FNIP2: variants seen among roughly 807,000 people sequenced by gnomAD.
FNIP2 encodes the protein folliculin interacting protein 2.
Under a neutral mutation model 108.7 loss-of-function variants are expected in FNIP2, and 32 were observed. The ratio of observed to expected loss-of-function variants is 0.29; its 90% CI spans 0.22 to 0.40. FNIP2 has a LOEUF of 0.40. Among genes scored for constraint, FNIP2 ranks in the 10% least tolerant of loss-of-function variants. The pLI is 1.00. For missense variants in FNIP2, 1,202 were observed against 1,381.6 expected, an observed-to-expected ratio of 0.87 and a Z score of 2.06; for synonymous variants, 480 against 496.7, an observed-to-expected ratio of 0.97 and a Z score of 0.45.
intron 15 of FNIP2, among the ~76,000 whole-genome samples, chr4:158,892,450 T>C (rs1782341075): frequency 6.6e-6 from 1 of 152,200 alleles, no homozygotes; most frequent in Admixed American, 6.6e-5. Context: ...ACAGAGCCTA[T>C]ACACTCTTAG....
rs1016327927 is a variant in FNIP2, at chr4:158,770,415, C to T, written c.107+1096C>T. Among the ~76,000 whole-genome samples, 14 of 152,156 alleles carry T rather than the reference C, an allele frequency of 9.2e-5. No individual in the cohort carries two copies. In the South Asian group the frequency reaches 1.0e-3, roughly 11 times the overall value. On this transcript the variant is annotated intron_variant, in intron 1 of 16. Coordinates refer to ENST00000264433, the MANE Select transcript of FNIP2 (RefSeq NM_020840.3). ...CAGTTCACTGTTAAACAGATCTAGA[C>T]CCAGTATAATAAACCTTTAAAAGTT... is the stretch of plus-strand genomic sequence containing the variant.
chr4:158,799,977 G>T (rs551073097), intron 1 of FNIP2, among the ~76,000 whole-genome samples: 1 of 152,054 alleles, frequency 6.6e-6, no homozygotes, highest in Non-Finnish European at 1.5e-5. Context: ...AAATAGATAC[G>T]CAGTGCCTTT....
intron 1 of FNIP2, chr4:158,806,492 G>A: frequency 9.3e-7 from 1 of 1,080,360 alleles, no homozygotes; most frequent in African/African-American, 1.6e-5. Context: ...GTAAGGAGAT[G>A]GAATTGTATT....
At chr4:158,886,316 T>C (rs1021685320) in intron 14 of FNIP2, among the ~76,000 whole-genome samples, 1 of 152,238 alleles carries the variant, frequency 6.6e-6, no homozygotes, top group African/African-American at 2.4e-5. Context: ...CCTTTCTTTC[T>C]GGAGACTGGC....
chr4:158,883,273 G>A (rs1781802362), intron 14 of FNIP2, among the ~76,000 whole-genome samples: 1 of 151,950 alleles, frequency 6.6e-6, no homozygotes, highest in Non-Finnish European at 1.5e-5. Context: ...ACGGAGTCTG[G>A]CTCTGTCGTC....
At chr4:158,849,900 G>A (rs761135956) in intron 7 of FNIP2, among the ~76,000 whole-genome samples, 2 of 151,942 alleles carry the variant, frequency 1.3e-5, no homozygotes, top group Non-Finnish European at 2.9e-5. Context: ...AGATGATTAA[G>A]ACCTACCAAA....
At chr4:158,854,254 A>G (rs1300445810) in intron 8 of FNIP2, among the ~76,000 whole-genome samples, 2 of 152,198 alleles carry the variant, frequency 1.3e-5, no homozygotes, top group East Asian at 1.9e-4. Flanking sequence ...TGCAGACTCT[A>G]TAGGGACAGG....
At chr4:158,892,990 C>T (rs1782382011) in intron 15 of FNIP2, 3 of 152,222 alleles carry the variant, frequency 2.0e-5, no homozygotes, top group Admixed American at 1.3e-4. Flanking sequence ...TCTGAAATAC[C>T]GTCTGGTTGT....
chr4:158,779,768 G>A (rs569045343), intron 1 of FNIP2, among the ~76,000 whole-genome samples: 4 of 148,346 alleles, frequency 2.7e-5, no homozygotes, highest in Non-Finnish European at 4.5e-5. Context: ...AGACGGGAGC[G>A]GGGGTGGTCT....
intron 3 of FNIP2, among the ~76,000 whole-genome samples, chr4:158,830,301 G>C (rs532412413): frequency 7.6e-6 from 1 of 132,090 alleles, no homozygotes; most frequent in Admixed American, 8.6e-5. Context: ...TGTCGCCCAG[G>C]CCGGACTGCG....
chr4:158,825,131 A>G (rs1320031066), intron 1 of FNIP2, among the ~76,000 whole-genome samples: 1 of 152,250 alleles, frequency 6.6e-6, no homozygotes, highest in Non-Finnish European at 1.5e-5. Context: ...GGAACATCAC[A>G]GACACTCAAA....
intron 1 of FNIP2, among the ~76,000 whole-genome samples, chr4:158,817,097 C>T (rs150695119): frequency 1.1e-4 from 17 of 152,214 alleles, no homozygotes; most frequent in African/African-American, 3.9e-4. Context: ...GTTGAGATTA[C>T]AGGCATGAGC....
chr4:158,816,939 A>G (rs537204637), intron 1 of FNIP2, among the ~76,000 whole-genome samples: 1 of 152,234 alleles, frequency 6.6e-6, no homozygotes, highest in South Asian at 2.1e-4. Flanking sequence ...ATGTGCATTT[A>G]AGAATTAAGG....
At chr4:158,903,141 C>T (rs1729498865) in intron 16 of FNIP2, among the ~76,000 whole-genome samples, 1 of 152,212 alleles carries the variant, frequency 6.6e-6, no homozygotes, top group African/African-American at 2.4e-5. Flanking sequence ...ATCTCCTGGT[C>T]TGTGGGTCAT....
chr4:158,770,633 C>G (rs958577417), intron 1 of FNIP2, among the ~76,000 whole-genome samples: 1 of 152,126 alleles, frequency 6.6e-6, no homozygotes, highest in Non-Finnish European at 1.5e-5. Context: ...CTCATGTTTT[C>G]TTTAGGCTAA....
At chr4:158,897,831 T>C (rs1342944359) in intron 16 of FNIP2, among the ~76,000 whole-genome samples, 2 of 152,228 alleles carry the variant, frequency 1.3e-5, no homozygotes, top group African/African-American at 4.8e-5. Context: ...GTGAAGAAAC[T>C]CTTTAGTTTA....
At chr4:158,851,735 A>C (rs1174016533) in intron 8 of FNIP2, among the ~76,000 whole-genome samples, 1 of 152,202 alleles carries the variant, frequency 6.6e-6, no homozygotes, top group Non-Finnish European at 1.5e-5. Context: ...CTCTCTTTAA[A>C]ATGAGTCCCT....
intron 5 of FNIP2, among the ~76,000 whole-genome samples, chr4:158,833,266 AT>A (rs1311613390): frequency 1.1e-4 from 16 of 152,220 alleles, no homozygotes; most frequent in Non-Finnish European, 2.9e-5. Context: ...GTCTCATTAT[AT>A]TATATGAAAT....
At chr4:158,798,123 G>T (rs1776648037) in intron 1 of FNIP2, among the ~76,000 whole-genome samples, 1 of 151,960 alleles carries the variant, frequency 6.6e-6, no homozygotes, top group African/African-American at 2.4e-5. Flanking sequence ...AAAGCGCAGT[G>T]GTGTGATTAT....
Sources: allele counts gnomAD v4.1 joint callset (sites outside exome capture counted in the v4.1 genomes callset), GRCh38; gene constraint gnomAD v4.1.1; transcripts MANE v1.5; gene names NCBI Gene and HGNC (gene_info 2026-07-23, HGNC 2026-07-21).